The following BRIP1 variants were observed in gnomAD, a reference collection of about 807,000 sequenced individuals.
BRIP1 encodes Fanconi anemia group J protein.
In BRIP1, 88 loss-of-function variants were observed where a neutral mutation model predicts 119.7. The observed-to-expected ratio is 0.74, with a 90% CI of 0.62 to 0.88. BRIP1 has a LOEUF of 0.88. BRIP1 is among the 40% of genes least tolerant of loss of function. BRIP1 has a pLI of 0.00. For synonymous variants in BRIP1, 443 were observed against 496.5 expected, an observed-to-expected ratio of 0.89 and a Z score of 1.43; for missense variants, 1,259 against 1,455.4, an observed-to-expected ratio of 0.87 and a Z score of 2.20.
chr17:61,715,317 T>C (rs2061843642), intron 17 of BRIP1, among the ~76,000 whole-genome samples: 1 of 152,106 alleles, frequency 6.6e-6, no homozygotes, highest in Non-Finnish European at 1.5e-5. Context: ...CAAGAAAATA[T>C]AGATTGTAAT....
chr17:61,731,501 C>G (rs2076842356), intron 16 of BRIP1, among the ~76,000 whole-genome samples: 1 of 152,192 alleles, frequency 6.6e-6, no homozygotes, highest in Admixed American at 6.5e-5. Context: ...ATACCTCTCC[C>G]AGCTTCTATT....
Position 61,848,979 on chromosome 17 carries a change from A to T in BRIP1, c.507+150T>A. 1 of 889,526 alleles carries T rather than the reference A, an allele frequency of 1.1e-6. No homozygotes were observed. The highest frequency in any genetic ancestry group is 2.5e-5 in the East Asian group (1 of 40,504). 55.1% of individuals were successfully genotyped at this position (889,526 alleles called of 1,614,324 possible). On this transcript the variant is annotated intron_variant, in intron 5 of 19. Coordinates refer to ENST00000259008, the MANE Select transcript of BRIP1 (RefSeq NM_032043.3). The surrounding 1 kb of genome is among the most constrained non-coding windows in gnomAD (Gnocchi z 4.3). The stretch of plus-strand genomic sequence containing the variant: ...TATAATAAACTCCTTTGTAACAAGT[A>T]ACTCTACAAAATGAAATTACAACAA...
In BRIP1 at chr17:61,743,863, T is replaced by A. The variant is rs1280859036; in HGVS notation, c.2257+569A>T. On this transcript the variant is annotated intron_variant, in intron 15 of 19. Coordinates refer to ENST00000259008, the MANE Select transcript of BRIP1 (RefSeq NM_032043.3). This position sits in a 1 kb window ranked among gnomAD's most constrained non-coding sequence, Gnocchi z 4.3. ...CACCACACCCTGCTAATGTTTGTACTTTTTGTAGAGACAGGATTTCACCAT... is the reference window on the plus strand; with the variant it reads ...CACCACACCCTGCTAATGTTTGTACATTTTGTAGAGACAGGATTTCACCAT... 6.6e-6 allele frequency among the ~76,000 whole-genome samples: 1 copy of A among 151,976 alleles called. No individual in the cohort carries two copies. The highest frequency in any genetic ancestry group is 2.4e-5 in the African/African-American group (1 of 41,372).
At position 61,774,058 on chromosome 17, in the gene BRIP1, C is replaced by T. The variant is rs1270940901; in HGVS notation, c.2097+2343G>A. 6.6e-6 allele frequency among the ~76,000 whole-genome samples: 1 copy of T among 152,118 alleles called. No individual in the cohort carries two copies. The highest frequency in any genetic ancestry group is 1.5e-5 in the Non-Finnish European group (1 of 68,024). The stretch of plus-strand genomic sequence containing the variant: ...CCTCAAGGATCTAAAACTAGAAATA[C>T]CATTTGACCCAGTCATCACATTACT... On this transcript the variant is annotated intron_variant, in intron 14 of 19. Coordinates refer to ENST00000259008, the MANE Select transcript of BRIP1 (RefSeq NM_032043.3). This position sits in a 1 kb window ranked among gnomAD's most constrained non-coding sequence, Gnocchi z 5.8.
intron 16 of BRIP1, among the ~76,000 whole-genome samples, chr17:61,733,444 T>C (rs2144591178): frequency 6.6e-6 from 1 of 152,332 alleles, no homozygotes; most frequent in African/African-American, 2.4e-5. Context: ...ATGTGCTTTA[T>C]TACTTTATTA....
At chr17:61,791,814 C>CAT (rs1367661071) in intron 10 of BRIP1, among the ~76,000 whole-genome samples, 5 of 151,778 alleles carry the variant, frequency 3.3e-5, no homozygotes, top group East Asian at 1.9e-4. Context: ...AAATGTGGCA[C>CAT]ATATATATAT....
Position 61,861,452 on chromosome 17 carries a change from T to G in BRIP1, c.88A>C (p.Asn30His). Residue 30 changes from asparagine to histidine, a missense_variant, in exon 2 of 20, where the codon AAT (asparagine) becomes CAT (histidine). Asn to His is a moderately conservative substitution (Grantham distance 68). Transcript: ENST00000259008. This position sits in a 1 kb window ranked among gnomAD's most constrained non-coding sequence, Gnocchi z 4.5. Reference protein sequence around the residue: ...KAYPSQLAMMNSILRGLNSKQ... With the variant: ...KAYPSQLAMMHSILRGLNSKQ... ...AACTGCTGAAAAATACTTACAGAAT[T>G]CATCATAGCAAGCTGTGACGGGTAA... is the stretch of plus-strand genomic sequence containing the variant. 2 of 1,606,078 alleles carry G rather than the reference T, an allele frequency of 1.2e-6. No homozygotes were observed. Among genetic ancestry groups the G allele is most frequent in the South Asian group, 2.2e-5 (2 of 90,914 alleles).
chr17:61,838,296 G>A (rs1229283413), intron 6 of BRIP1, among the ~76,000 whole-genome samples: 1 of 151,928 alleles, frequency 6.6e-6, no homozygotes, highest in African/African-American at 2.4e-5. Context: ...TCCTGACCTC[G>A]TGATCCGCCC....
rs2077859931 is a variant in BRIP1 at position 61,793,836 on chromosome 17, G to C, written c.1341-107C>G. 2.6e-6 allele frequency: 3 copies of C among 1,171,180 alleles called. No homozygotes were observed. Among genetic ancestry groups the C allele is most frequent in the South Asian group, 3.5e-5 (2 of 57,646 alleles). The allele number at this position is 1,171,180 out of a possible 1,614,324, so 72.5% of individuals were successfully genotyped here. On this transcript the variant is annotated intron_variant, in intron 9 of 19. Transcript: ENST00000259008. This position sits in a 1 kb window ranked among gnomAD's most constrained non-coding sequence, Gnocchi z 5.2. ...TGTCATGCGTTGATCTGTATATCTT[G>C]ACATTCTTAGGACATGAATGTGGAT... is the stretch of plus-strand genomic sequence containing the variant.
Position 61,713,343 on chromosome 17 carries a change from A to G in BRIP1, c.2492+2608T>C, listed in dbSNP as rs2061808264. 6.6e-6 allele frequency among the ~76,000 whole-genome samples: 1 copy of G among 152,150 alleles called. No individual in the cohort carries two copies. Among genetic ancestry groups the G allele is most frequent in the African/African-American group, 2.4e-5 (1 of 41,436 alleles). On this transcript the variant is annotated intron_variant, in intron 17 of 19. Coordinates refer to ENST00000259008, the MANE Select transcript of BRIP1 (RefSeq NM_032043.3). This position sits in a 1 kb window ranked among gnomAD's most constrained non-coding sequence, Gnocchi z 4.9. ...AGTTAACTATAAAACAGCTTCAGGC[A>G]GATCCCTCAGGAAGAATTCCAGAAG...
Position 61,786,871 on chromosome 17 carries a change from TA to T in BRIP1, c.1474-2448del, listed in dbSNP as rs2077720649. On this transcript the variant is annotated intron_variant, in intron 10 of 19. Transcript: ENST00000259008. Reference sequence around the variant, plus strand: ...ATAAAATATATATTCATATATGTATTAATATATTAATATATAAATATATTTT... The same window carrying T: ...ATAAAATATATATTCATATATGTATTATATATTAATATATAAATATATTTT... Among the ~76,000 whole-genome samples the T allele has an allele frequency of 1.8e-4, 22 of 125,692 alleles. No individual in the cohort carries two copies. In the South Asian group the frequency reaches 4.9e-3, roughly 28 times the overall value. The allele number at this position is 125,692 out of a possible 152,430, so 82.5% of individuals were successfully genotyped here.
rs1861156061 is a variant in BRIP1 at position 61,740,409 on chromosome 17, A to T, written c.2379+2604T>A. Among the ~76,000 whole-genome samples, 1 of 152,138 alleles carries T rather than the reference A, an allele frequency of 6.6e-6. No homozygotes were observed. Among genetic ancestry groups the T allele is most frequent in the Non-Finnish European group, 1.5e-5 (1 of 68,014 alleles). On this transcript the variant is annotated intron_variant, in intron 16 of 19. Transcript: ENST00000259008. The surrounding 1 kb of genome is among the most constrained non-coding windows in gnomAD (Gnocchi z 5.4). ...TATTTCTATTAAGTTCCCAGGTGATACGAATGCACCTGGCCCAGGACCAGA... is the reference window on the plus strand; with the variant it reads ...TATTTCTATTAAGTTCCCAGGTGATTCGAATGCACCTGGCCCAGGACCAGA...
At position 61,787,593 on chromosome 17, in the gene BRIP1, G is replaced by A. The variant is rs2077750237; in HGVS notation, c.1474-3169C>T. ...CATCTCAATAAAGGGTGCAATACTA[G>A]TAATTCCTCCTTTAAGCAACAAAAC... On this transcript the variant is annotated intron_variant, in intron 10 of 19. Transcript: ENST00000259008. Among the ~76,000 whole-genome samples the A allele has an allele frequency of 2.0e-5, 3 of 150,994 alleles. No individual in the cohort carries two copies. The South Asian group carries it at 6.2e-4, about 31-fold the overall frequency.
Position 61,759,190 on chromosome 17 carries a change from G to C in BRIP1, c.2098-14599C>G, listed in dbSNP as rs1247825366. ...ACTATATGCTGCCTACAAGAGATTT[G>C]CTTTTAAGGATGCACAGAGGCTGAA... is the stretch of plus-strand genomic sequence containing the variant. On this transcript the variant is annotated intron_variant, in intron 14 of 19. Coordinates refer to ENST00000259008, the MANE Select transcript of BRIP1 (RefSeq NM_032043.3). The surrounding 1 kb of genome is among the most constrained non-coding windows in gnomAD (Gnocchi z 4.9). Among the ~76,000 whole-genome samples, 1 of 151,974 alleles carries C rather than the reference G, an allele frequency of 6.6e-6. No individual in the cohort carries two copies. Among genetic ancestry groups the C allele is most frequent in the Non-Finnish European group, 1.5e-5 (1 of 67,974 alleles).
chr17:61,804,356 A>G lies in BRIP1; in HGVS notation c.919-2882T>C, dbSNP rs2078039972. Among the ~76,000 whole-genome samples the G allele has an allele frequency of 6.6e-6, 1 of 152,128 alleles. No homozygotes were observed. Among genetic ancestry groups the G allele is most frequent in the Non-Finnish European group, 1.5e-5 (1 of 68,026 alleles). ...TATCCTTAACAAAAAACAACCATACATAAAATATATAAATTATATCAGGGA... is the reference window on the plus strand; with the variant it reads ...TATCCTTAACAAAAAACAACCATACGTAAAATATATAAATTATATCAGGGA... On this transcript the variant is annotated intron_variant, in intron 7 of 19. Coordinates refer to ENST00000259008, the MANE Select transcript of BRIP1 (RefSeq NM_032043.3). This position sits in a 1 kb window ranked among gnomAD's most constrained non-coding sequence, Gnocchi z 4.5.
chr17:61,732,453 C>A (rs1228925229), intron 16 of BRIP1, among the ~76,000 whole-genome samples: 2 of 152,146 alleles, frequency 1.3e-5, no homozygotes, highest in Non-Finnish European at 2.9e-5. Flanking sequence ...AAATTGGTAT[C>A]TGCAAGGGAG....
In BRIP1 at chr17:61,701,498, G is replaced by GT. The variant is rs2061613340; in HGVS notation, c.2493-7987dup. ...ATAATTTCAATCCTCAGCACTGTAG[G>GT]TAATAACTCTGATCTTGTTTTCACT... On this transcript the variant is annotated intron_variant, in intron 17 of 19. Coordinates refer to ENST00000259008, the MANE Select transcript of BRIP1 (RefSeq NM_032043.3). The surrounding 1 kb of genome is among the most constrained non-coding windows in gnomAD (Gnocchi z 5.1). Among the ~76,000 whole-genome samples, 1 of 152,140 alleles carries GT rather than the reference G, an allele frequency of 6.6e-6. No homozygotes were observed. Among genetic ancestry groups the GT allele is most frequent in the African/African-American group, 2.4e-5 (1 of 41,430 alleles).
Position 61,846,960 on chromosome 17 carries a change from A to C in BRIP1, c.627+141T>G. On this transcript the variant is annotated intron_variant, in intron 6 of 19. Coordinates refer to ENST00000259008, the MANE Select transcript of BRIP1 (RefSeq NM_032043.3). This position sits in a 1 kb window ranked among gnomAD's most constrained non-coding sequence, Gnocchi z 4.3. ...CTTTGCCATCTCACACATTAGTAACAGAGATGTGACAGCATTGAGGACTTC... is the reference window on the plus strand; with the variant it reads ...CTTTGCCATCTCACACATTAGTAACCGAGATGTGACAGCATTGAGGACTTC... 1.9e-5 allele frequency: 17 copies of C among 894,374 alleles called. No homozygotes were observed. The highest frequency in any genetic ancestry group is 2.5e-5 in the Non-Finnish European group (14 of 569,952). The allele number at this position is 894,374 out of a possible 1,614,324, so 55.4% of individuals were successfully genotyped here.
intron 14 of BRIP1, among the ~76,000 whole-genome samples, chr17:61,772,309 G>A (rs1425902866): frequency 6.6e-6 from 1 of 150,380 alleles, no homozygotes; most frequent in African/African-American, 2.5e-5. Context: ...CAGAAACAAA[G>A]GACAAATACT....
Sources: gnomAD v4.1 joint callset for allele counts (sites outside exome capture counted in the v4.1 genomes callset) on GRCh38, gnomAD v4.1.1 for gene constraint, Gnocchi (gnomAD v3.1) non-coding constraint, MANE v1.5 for transcripts, NCBI Gene and HGNC (gene_info 2026-07-23, HGNC 2026-07-21) for gene names.